CDC42BPA: variants seen among roughly 807,000 people sequenced by gnomAD.
The protein encoded by CDC42BPA is CDC42 binding protein kinase alpha.
Under a neutral mutation model 223.5 loss-of-function variants are expected in CDC42BPA, and 80 were observed. The observed-to-expected ratio is 0.36, with a 90% CI of 0.30 to 0.43. The LOEUF is 0.43. Among genes scored for constraint, CDC42BPA ranks in the 20% least tolerant of loss-of-function variants. The pLI is 1.00. For synonymous variants in CDC42BPA, 694 were observed against 718.6 expected, an observed-to-expected ratio of 0.97 and a Z score of 0.55; for missense variants, 1,743 against 2,099.9, an observed-to-expected ratio of 0.83 and a Z score of 3.32.
At chr1:227,196,993 CATA>C (rs951929119) in intron 4 of CDC42BPA, among the ~76,000 whole-genome samples, 96 of 152,212 alleles carry the variant, frequency 6.3e-4, no homozygotes, top group African/African-American at 2.2e-3. Context: ...GATCTAATCA[CATA>C]ATAATATCTA....
chr1:227,231,252 C>A (rs1317010380), intron 2 of CDC42BPA, among the ~76,000 whole-genome samples: 3 of 150,822 alleles, frequency 2.0e-5, no homozygotes, highest in Non-Finnish European at 4.4e-5. Flanking sequence ...TCTGTCCTTG[C>A]AATAATTTGC....
At chr1:227,089,693 T>C (rs1682725340) in intron 16 of CDC42BPA, among the ~76,000 whole-genome samples, 1 of 149,722 alleles carries the variant, frequency 6.7e-6, no homozygotes, top group Non-Finnish European at 1.5e-5. Context: ...GAGGCTTCAT[T>C]ACATATACTA....
intron 1 of CDC42BPA, among the ~76,000 whole-genome samples, chr1:227,267,804 T>C (rs1685248613): frequency 6.6e-6 from 1 of 152,120 alleles, no homozygotes; most frequent in Non-Finnish European, 1.5e-5. Flanking sequence ...CAAAACAGCA[T>C]GGGGGAAATT....
chr1:227,036,683 C>G (rs1455777388), intron 24 of CDC42BPA, among the ~76,000 whole-genome samples: 1 of 151,596 alleles, frequency 6.6e-6, no homozygotes, highest in Non-Finnish European at 1.5e-5. Context: ...CCCGCCTGGG[C>G]CTCCCAAAGT....
At chr1:227,247,784 A>C (rs945350702) in intron 2 of CDC42BPA, among the ~76,000 whole-genome samples, 6 of 151,998 alleles carry the variant, frequency 3.9e-5, no homozygotes, top group Non-Finnish European at 7.4e-5. Context: ...CAGGAGGCTG[A>C]AGCAGGAGAA....
At chr1:227,013,797 C>T (rs564176446) in intron 34 of CDC42BPA, among the ~76,000 whole-genome samples, 1 of 152,108 alleles carries the variant, frequency 6.6e-6, no homozygotes, top group South Asian at 2.1e-4. Context: ...TTTATATTTG[C>T]TGATGTTTTG....
intron 16 of CDC42BPA, among the ~76,000 whole-genome samples, chr1:227,091,060 T>G (rs987830483): frequency 1.3e-5 from 2 of 152,204 alleles, no homozygotes; most frequent in Admixed American, 6.5e-5. Context: ...TGGTATCATT[T>G]CTAGCTTTAC....
chr1:227,283,688 T>C (rs1380891093), intron 1 of CDC42BPA, among the ~76,000 whole-genome samples: 2 of 152,180 alleles, frequency 1.3e-5, no homozygotes, highest in Non-Finnish European at 2.9e-5. Context: ...ATTTGGGTGA[T>C]GAGTACGGAA....
At chr1:227,171,928 A>C (rs1254850725) in intron 5 of CDC42BPA, among the ~76,000 whole-genome samples, 1 of 152,144 alleles carries the variant, frequency 6.6e-6, no homozygotes, top group Non-Finnish European at 1.5e-5. Context: ...TTCTCTTCCC[A>C]GCAACATCAC....
At chr1:227,066,464 C>A (rs147913692) in intron 21 of CDC42BPA, among the ~76,000 whole-genome samples, 2 of 151,952 alleles carry the variant, frequency 1.3e-5, no homozygotes, top group African/African-American at 4.8e-5. Context: ...AGAACTTGAG[C>A]GTTATGCGAA....
In CDC42BPA at chr1:227,084,687, T is replaced by C. The variant is rs568156922; in HGVS notation, c.2356-3670A>G. 1.3e-3 allele frequency among the ~76,000 whole-genome samples: 205 copies of C among 152,290 alleles called. 1 individual carries two copies. The highest frequency in any genetic ancestry group is 4.6e-3 in the African/African-American group (191 of 41,560). ...GTAGAGATACCGTGCTAGTTTCTTC[T>C]TGATTACTCAACTTTGATGAAGGTG... On this transcript the variant is annotated intron_variant, in intron 16 of 36. Coordinates refer to ENST00000366766, the MANE Select transcript of CDC42BPA (RefSeq NM_001394014.1).
intron 1 of CDC42BPA, among the ~76,000 whole-genome samples, chr1:227,254,724 A>G (rs1187337915): frequency 6.6e-6 from 1 of 152,246 alleles, no homozygotes; most frequent in African/African-American, 2.4e-5. Context: ...GTATGCATAT[A>G]TGCAGACACA....
intron 23 of CDC42BPA, among the ~76,000 whole-genome samples, chr1:227,046,524 A>T (rs1187581702): frequency 2.6e-5 from 4 of 152,066 alleles, no homozygotes; most frequent in South Asian, 4.1e-4. Flanking sequence ...GTGCCCTTAA[A>T]TTTGTGATCT....
chr1:227,095,819 T>C (rs138321874), intron 15 of CDC42BPA, among the ~76,000 whole-genome samples: 8,194 of 152,240 alleles, frequency 0.054, 248 homozygotes, highest in Non-Finnish European at 0.072. Flanking sequence ...CTCGAACTCC[T>C]GACCTCAGGT....
chr1:227,157,167 TAAG>T (rs970928043), intron 6 of CDC42BPA, among the ~76,000 whole-genome samples: 36 of 152,214 alleles, frequency 2.4e-4, no homozygotes, highest in African/African-American at 8.0e-4. Flanking sequence ...GTAAATTAAA[TAAG>T]AAAGACAGTA....
At chr1:227,127,798 A>G (rs1656150614) in intron 11 of CDC42BPA, among the ~76,000 whole-genome samples, 1 of 152,210 alleles carries the variant, frequency 6.6e-6, no homozygotes, top group African/African-American at 2.4e-5. Context: ...AGATCTCCAT[A>G]TATTTAATAT....
chr1:227,300,844 G>A (rs903133902), intron 1 of CDC42BPA, among the ~76,000 whole-genome samples: 26 of 152,196 alleles, frequency 1.7e-4, no homozygotes, highest in South Asian at 1.2e-3. Flanking sequence ...ACGCACACAC[G>A]GCATTTCTTT....
intron 10 of CDC42BPA, among the ~76,000 whole-genome samples, chr1:227,130,521 C>T (rs1425121257): frequency 6.6e-6 from 1 of 152,000 alleles, no homozygotes; most frequent in Non-Finnish European, 1.5e-5. Context: ...TTTAAGACAT[C>T]TAAATTGGGG....
intron 30 of CDC42BPA, among the ~76,000 whole-genome samples, chr1:227,027,971 T>C (rs1234929909): frequency 6.6e-6 from 1 of 151,692 alleles, no homozygotes; most frequent in Non-Finnish European, 1.5e-5. Context: ...AATAAAAACA[T>C]AAGCTGGGTG....
Sources: gnomAD v4.1 joint callset for allele counts (sites outside exome capture counted in the v4.1 genomes callset) on GRCh38, gnomAD v4.1.1 for gene constraint, MANE v1.5 for transcripts, NCBI Gene and HGNC (gene_info 2026-07-23, HGNC 2026-07-21) for gene names.